The following AXL variants were observed in gnomAD, a reference collection of about 807,000 sequenced individuals.
The protein encoded by AXL is tyrosine-protein kinase receptor UFO.
A neutral mutation model predicts 104.5 loss-of-function variants in AXL; 52 were observed. The ratio of observed to expected loss-of-function variants is 0.50; its 90% CI spans 0.40 to 0.63. The LOEUF is 0.63. AXL is among the 20% of genes least tolerant of loss of function. AXL has a pLI of 0.00. For synonymous variants in AXL, 455 were observed against 473.7 expected (o/e 0.96, Z 0.51); for missense variants, 1,024 against 1,188.5 (o/e 0.86, Z 2.04).
intron 2 of AXL, 136 bp downstream of exon 2, chr19:41,220,994 T>G: frequency 8.1e-7 from 1 of 1,233,566 alleles, no homozygotes; most frequent in Non-Finnish European, 1.1e-6. Context: ...CTAGGTTTCG[T>G]TTTCCTCTTC....
At chr19:41,259,055 C>A (rs956693229) in intron 19 of AXL, among the ~76,000 whole-genome samples, 1 of 152,106 alleles carries the variant, frequency 6.6e-6, no homozygotes, top group East Asian at 1.9e-4. Flanking sequence ...GGAGAAAGTG[C>A]GAGGAAGCCA....
chr19:41,245,954 C>T (rs2034264596), intron 12 of AXL, among the ~76,000 whole-genome samples: 1 of 152,096 alleles, frequency 6.6e-6, no homozygotes, highest in African/African-American at 2.4e-5. Flanking sequence ...GAGCCTGGTC[C>T]CCTGTGGTCC....
intron 4 of AXL, among the ~76,000 whole-genome samples, chr19:41,222,505 CG>C (rs2033809474): frequency 6.6e-6 from 1 of 152,316 alleles, no homozygotes; most frequent in East Asian, 1.9e-4. Flanking sequence ...CCTCCACAAC[CG>C]GCCCACCTCC....
At position 41,260,298 on chromosome 19, in the gene AXL, CTTTTT is replaced by C. The variant is rs869213717; in HGVS notation, c.*421_*425del. 3.6e-3 allele frequency: 174 copies of C among 48,552 alleles called. No homozygotes were observed. Among genetic ancestry groups the C allele is most frequent in the Middle Eastern group, 0.018 (1 of 56 alleles). The allele number at this position is 48,552 out of a possible 1,614,324, so 3.0% of individuals were successfully genotyped here. On this transcript the variant is annotated 3_prime_UTR_variant, in exon 20 of 20. Coordinates refer to ENST00000301178, the MANE Select transcript of AXL (RefSeq NM_021913.5). Reference sequence around the variant, plus strand: ...TAAAGTGCTAAGGTTCTAAGGCCTACTTTTTTTTTTTTTTTTTTTTTTTTTTTTTT... The same window carrying C: ...TAAAGTGCTAAGGTTCTAAGGCCTACTTTTTTTTTTTTTTTTTTTTTTTTT...
In AXL at chr19:41,238,155, G is replaced by A; in HGVS notation, c.994+1G>A. 1 of 1,613,986 alleles carries A rather than the reference G, an allele frequency of 6.2e-7. No homozygotes were observed. Among genetic ancestry groups the A allele is most frequent in the East Asian group, 2.2e-5 (1 of 44,882 alleles). On this transcript the variant is annotated splice_donor_variant, in intron 7 of 19. Coordinates refer to ENST00000301178, the MANE Select transcript of AXL (RefSeq NM_021913.5). LOFTEE classifies it high-confidence loss of function. The stretch of plus-strand genomic sequence containing the variant: ...CTTCCTGTGGAGACGCCGGAGGGAG[G>A]TAAGAAGGGTTGGGGAGGGACACGT...
chr19:41,260,005 C>A lies in AXL; in HGVS notation c.*101C>A. The A allele has an allele frequency of 2.7e-6, 3 of 1,108,616 alleles. No individual in the cohort carries two copies. The highest frequency in any genetic ancestry group is 1.3e-6 in the Non-Finnish European group (1 of 794,298). 68.7% of individuals were successfully genotyped at this position (1,108,616 alleles called of 1,614,324 possible). A position where few individuals can be genotyped will look rare whatever the true frequency, so the allele number is the denominator to read the frequency against. On this transcript the variant is annotated 3_prime_UTR_variant, in exon 20 of 20. Transcript: ENST00000301178. ...TTTCCCACCCCACGCCTTATCCCCA[C>A]TTGCAGCCCTGTCTTCCTACCTATC...
At chr19:41,219,840 G>C (rs556951836) in intron 1 of AXL, among the ~76,000 whole-genome samples, 1 of 151,830 alleles carries the variant, frequency 6.6e-6, no homozygotes, top group African/African-American at 2.4e-5. Flanking sequence ...GGGGCACCGA[G>C]TCAGGCAGTG....
In AXL at chr19:41,239,130, G is replaced by A. The variant is rs773452630; in HGVS notation, c.1135-34G>A. 5.0e-6 allele frequency: 8 copies of A among 1,610,982 alleles called. No homozygotes were observed. In the South Asian group the frequency reaches 5.5e-5, roughly 11 times the overall value. ...TGAAGGCTTAACAGCTGGGGGGTAA[G>A]GTTCTACCCTGATGCCACTTCTGGA... On this transcript the variant is annotated intron_variant, in intron 8 of 19. Coordinates refer to ENST00000301178, the MANE Select transcript of AXL (RefSeq NM_021913.5).
chr19:41,233,201 G>A, intron 6 of AXL, among the ~76,000 whole-genome samples: 1 of 152,066 alleles, frequency 6.6e-6, no homozygotes, highest in South Asian at 2.1e-4. Flanking sequence ...TGTTGGTCAG[G>A]CTGGTCTCGA....
chr19:41,224,156 T>G (rs1287611594), intron 4 of AXL, among the ~76,000 whole-genome samples: 1 of 151,944 alleles, frequency 6.6e-6, no homozygotes, highest in Non-Finnish European at 1.5e-5. Context: ...CTCTTTTTTG[T>G]GTTTGTGTGT....
At chr19:41,223,945 G>A (rs1022405089) in intron 4 of AXL, among the ~76,000 whole-genome samples, 1 of 150,436 alleles carries the variant, frequency 6.6e-6, no homozygotes, top group African/African-American at 2.5e-5. Context: ...GGCGAGGGTG[G>A]ACTTCTGTGG....
intron 11 of AXL, 21 bp from the exon 12 acceptor site, chr19:41,243,595 C>T (rs1698367115): frequency 3.7e-6 from 6 of 1,603,728 alleles, no homozygotes; most frequent in African/African-American, 1.3e-5. Flanking sequence ...CCTGCCCTCA[C>T]CTACTCCCCC....
chr19:41,251,338 G>T (rs2034357658), intron 14 of AXL, among the ~76,000 whole-genome samples: 1 of 152,042 alleles, frequency 6.6e-6, no homozygotes. Context: ...AAGGCAGGCA[G>T]ATCACTTGAG....
chr19:41,234,836 C>T (rs1017622144), intron 6 of AXL, among the ~76,000 whole-genome samples: 1 of 152,204 alleles, frequency 6.6e-6, no homozygotes, highest in African/African-American at 2.4e-5. Context: ...TGGCTGGAGT[C>T]TCCAGGGTGA....
Position 41,257,597 on chromosome 19 carries a change from C to T in AXL, c.2301C>T (p.Arg767=), listed in dbSNP as rs1156370908. The part of the protein sequence containing the change: ...EIYDYLRQGN[R]LKQPADCLDG... ...ATGACTATCTGCGCCAGGGAAATCG[C>T]CTGAAGCAGCCTGCGGACTGTCTGG... The change falls in exon 19 of 20, where the codon CGC becomes CGT. Residue 767 remains arginine (R), a synonymous_variant. Transcript: ENST00000301178. 2 of 1,614,184 alleles carry T rather than the reference C, an allele frequency of 1.2e-6. No individual in the cohort carries two copies. The highest frequency in any genetic ancestry group is 1.7e-6 in the Non-Finnish European group (2 of 1,180,028).
Position 41,237,834 on chromosome 19 carries a change from G to A in AXL, c.784-110G>A, listed in dbSNP as rs2034106798. On this transcript the variant is annotated intron_variant, in intron 6 of 19. Transcript: ENST00000301178. Reference sequence around the variant, plus strand: ...CCTAGCATGGCACTGCAACACACACGCACCCTTGAAAAGTTGTGTAGTCAC... The same window carrying A: ...CCTAGCATGGCACTGCAACACACACACACCCTTGAAAAGTTGTGTAGTCAC... 43 of 996,808 alleles carry A rather than the reference G, an allele frequency of 4.3e-5. 2 individuals are homozygous for A. In the South Asian group the frequency reaches 4.3e-4, roughly 10 times the overall value. 61.7% of individuals were successfully genotyped at this position (996,808 alleles called of 1,614,324 possible). A position where few individuals can be genotyped will look rare whatever the true frequency, so the allele number is the denominator to read the frequency against.
At chr19:41,257,135 C>G (rs1215256290) in intron 18 of AXL, among the ~76,000 whole-genome samples, 1 of 152,102 alleles carries the variant, frequency 6.6e-6, no homozygotes, top group Non-Finnish European at 1.5e-5. Context: ...ACTCTGCCTC[C>G]CGGGTTCAAG....
chr19:41,243,494 G>A, intron 11 of AXL, 122 bp from the exon 12 acceptor site: 1 of 797,234 alleles, frequency 1.3e-6, no homozygotes, highest in Non-Finnish European at 2.2e-6. Context: ...GGCATGCTCA[G>A]CAAATGTTAG....
chr19:41,253,767 C>A, intron 17 of AXL, 59 bp downstream of exon 17: 1 of 1,327,410 alleles, frequency 7.5e-7, no homozygotes, highest in Non-Finnish European at 1.1e-6. Context: ...TGAGGGAGTT[C>A]CCTCCCTCCT....
Sources: gnomAD v4.1 joint callset for allele counts (sites outside exome capture counted in the v4.1 genomes callset) on GRCh38, gnomAD v4.1.1 for gene constraint, MANE v1.5 for transcripts, NCBI Gene and HGNC (gene_info 2026-07-23, HGNC 2026-07-21) for gene names.